The following MAD1L1 variants were observed in gnomAD, a reference collection of about 807,000 sequenced individuals.
The protein encoded by MAD1L1 is mitotic arrest deficient 1 like 1, also known as mitotic spindle assembly checkpoint protein MAD1.
MAD1L1 carries 95 observed loss-of-function variants against 96.9 expected under a neutral mutation model. The observed-to-expected ratio is 0.98, with a 90% CI of 0.83 to 1.16. The LOEUF (loss-of-function observed/expected upper bound fraction) is 1.16. Ranked by LOEUF, MAD1L1 falls within the 50% of genes most tolerant of loss-of-function variation. The probability of loss-of-function intolerance (pLI) is 0.00; values close to 1 mark genes in which losing one functional copy is unlikely to be tolerated. For missense variants in MAD1L1, 1,007 were observed against 954.4 expected, an observed-to-expected ratio of 1.06 and a Z score of -0.73; for synonymous variants, 473 against 396.6, an observed-to-expected ratio of 1.19 and a Z score of -2.29.
chr7:2,227,331 C>A (rs142911426), intron 3 of MAD1L1, among the ~76,000 whole-genome samples: 214 of 152,288 alleles, frequency 1.4e-3, no homozygotes, highest in Non-Finnish European at 5.1e-4. Context: ...TAGACACATT[C>A]TCAGGGCGTT....
chr7:1,976,611 C>T (rs1005620143), intron 15 of MAD1L1, among the ~76,000 whole-genome samples: 2 of 152,216 alleles, frequency 1.3e-5, no homozygotes, highest in African/African-American at 4.8e-5. Flanking sequence ...AAGGGGACCC[C>T]AGCGGGTTGC....
chr7:2,192,138 G>GTT (rs887926229), intron 10 of MAD1L1, among the ~76,000 whole-genome samples: 1 of 148,636 alleles, frequency 6.7e-6, no homozygotes, highest in Non-Finnish European at 1.5e-5. Context: ...TGTTTTTTTT[G>GTT]TTTTTTTTTG....
intron 11 of MAD1L1, among the ~76,000 whole-genome samples, chr7:2,080,219 T>C (rs1394761719): frequency 6.6e-6 from 1 of 152,240 alleles, no homozygotes; most frequent in Non-Finnish European, 1.5e-5. Flanking sequence ...TTCATTGACA[T>C]ATGGCTTACG....
chr7:1,817,719 A>G (rs1288630834), intron 18 of MAD1L1, among the ~76,000 whole-genome samples: 1 of 152,130 alleles, frequency 6.6e-6, no homozygotes, highest in Non-Finnish European at 1.5e-5. Flanking sequence ...ATGTGTGTGC[A>G]TCGGAGCTCA....
At chr7:1,892,555 T>C (rs1786613318) in intron 18 of MAD1L1, among the ~76,000 whole-genome samples, 1 of 152,234 alleles carries the variant, frequency 6.6e-6, no homozygotes, top group South Asian at 2.1e-4. Context: ...AAACGCTCCA[T>C]TAAGCATTTC....
At chr7:2,070,320 C>A (rs1056442166) in intron 11 of MAD1L1, among the ~76,000 whole-genome samples, 1 of 152,116 alleles carries the variant, frequency 6.6e-6, no homozygotes, top group Non-Finnish European at 1.5e-5. Flanking sequence ...CCAGGAAGGG[C>A]ACAGTGAGGC....
At chr7:2,100,849 G>A (rs972103885) in intron 11 of MAD1L1, among the ~76,000 whole-genome samples, 8 of 152,244 alleles carry the variant, frequency 5.3e-5, no homozygotes, top group African/African-American at 1.7e-4. Flanking sequence ...GACTGGAGGC[G>A]CGGCTCCAGC....
intron 18 of MAD1L1, among the ~76,000 whole-genome samples, chr7:1,889,385 G>A (rs1374132056): frequency 2.6e-5 from 4 of 152,228 alleles, no homozygotes; most frequent in Admixed American, 6.5e-5. Flanking sequence ...ATCCTCACGG[G>A]CACTCTTGCC....
chr7:2,161,302 T>A (rs1393768170), intron 10 of MAD1L1, among the ~76,000 whole-genome samples: 1 of 151,810 alleles, frequency 6.6e-6, no homozygotes, highest in East Asian at 1.9e-4. Flanking sequence ...GAGACGGGGT[T>A]TCGCTGTGCT....
intron 12 of MAD1L1, among the ~76,000 whole-genome samples, chr7:2,049,617 G>A (rs75835535): frequency 6.6e-6 from 1 of 152,222 alleles, no homozygotes; most frequent in Non-Finnish European, 1.5e-5. Flanking sequence ...AGACACCTGG[G>A]TCCAGCAGCA....
chr7:1,916,185 A>G (rs565910563), intron 17 of MAD1L1, among the ~76,000 whole-genome samples: 2 of 152,300 alleles, frequency 1.3e-5, no homozygotes, highest in South Asian at 4.1e-4. Context: ...CTCACGTGGG[A>G]CATGCAAACG....
At chr7:1,859,433 C>T (rs949573893) in intron 18 of MAD1L1, among the ~76,000 whole-genome samples, 4 of 152,328 alleles carry the variant, frequency 2.6e-5, no homozygotes, top group East Asian at 1.9e-4. Context: ...TTTCGGCTAC[C>T]GTGCAAAGGG....
At chr7:1,877,415 C>G (rs1004997816) in intron 18 of MAD1L1, among the ~76,000 whole-genome samples, 2 of 150,338 alleles carry the variant, frequency 1.3e-5, no homozygotes, top group African/African-American at 4.9e-5. Context: ...AGAAGAAAAC[C>G]AAAGAGGTAT....
intron 12 of MAD1L1, among the ~76,000 whole-genome samples, chr7:2,037,529 A>G (rs1469700686): frequency 6.6e-6 from 1 of 152,060 alleles, no homozygotes; most frequent in African/African-American, 2.4e-5. Flanking sequence ...TCACTATTAT[A>G]TCTGTTGTGG....
chr7:1,892,700 G>A (rs1171868407), intron 18 of MAD1L1, among the ~76,000 whole-genome samples: 2 of 152,052 alleles, frequency 1.3e-5, no homozygotes, highest in African/African-American at 4.8e-5. Context: ...GGTCGACATC[G>A]CCACATGTTT....
chr7:2,007,770 C>G (rs546573036), intron 13 of MAD1L1, among the ~76,000 whole-genome samples: 1 of 152,198 alleles, frequency 6.6e-6, no homozygotes, highest in Non-Finnish European at 1.5e-5. Flanking sequence ...AAGTCTGGCA[C>G]GCAGATATTC....
At chr7:1,871,673 T>C (rs1420591573) in intron 18 of MAD1L1, among the ~76,000 whole-genome samples, 1 of 149,074 alleles carries the variant, frequency 6.7e-6, no homozygotes, top group East Asian at 2.0e-4. Flanking sequence ...AACATACGCC[T>C]GCCACGCTGA....
At chr7:1,930,853 C>G (rs1042728278) in intron 17 of MAD1L1, among the ~76,000 whole-genome samples, 3 of 152,138 alleles carry the variant, frequency 2.0e-5, no homozygotes, top group South Asian at 2.1e-4. Flanking sequence ...ACAACTTACC[C>G]TGGTCTCTCT....
chr7:1,963,451 T>C (rs1472610692), intron 15 of MAD1L1, among the ~76,000 whole-genome samples: 3 of 152,102 alleles, frequency 2.0e-5, no homozygotes, highest in Non-Finnish European at 4.4e-5. Flanking sequence ...GGGATTCCTG[T>C]CAAACAAGAG....
Sources: allele counts gnomAD v4.1 joint callset (sites outside exome capture counted in the v4.1 genomes callset), GRCh38; gene constraint gnomAD v4.1.1; transcripts MANE v1.5; gene names NCBI Gene and HGNC (gene_info 2026-07-23, HGNC 2026-07-21).